Variants in EXTL3 observed in about 807,000 individuals in gnomAD.
EXTL3 encodes exostosin-like 3.
Under a neutral mutation model 69.3 loss-of-function variants are expected in EXTL3, and 27 were observed. The ratio of observed to expected loss-of-function variants is 0.39; its 90% confidence interval spans 0.29 to 0.54. EXTL3 has a LOEUF of 0.54. EXTL3 is among the 20% of genes least tolerant of loss of function. The pLI, the probability that EXTL3 is intolerant of heterozygous loss-of-function variation, is 0.69. For synonymous variants in EXTL3, 511 were observed against 499.4 expected (o/e 1.02, Z -0.31); for missense variants, 1,003 against 1,231.8 (o/e 0.81, Z 2.78).
chr8:28,706,410 A>G (rs545059136), intron 1 of EXTL3, among the ~76,000 whole-genome samples: 1 of 152,338 alleles, frequency 6.6e-6, no homozygotes, highest in South Asian at 2.1e-4. Context: ...ATGTTTTAGT[A>G]TGAGCATTTT....
Position 28,690,918 on chromosome 8 carries a change from G to T in EXTL3, c.-52-22539G>T, listed in dbSNP as rs535125408. 1.1e-3 allele frequency among the ~76,000 whole-genome samples: 167 copies of T among 152,228 alleles called. 1 individual carries two copies. In the South Asian group the frequency reaches 0.026, roughly 24 times the overall value. On this transcript the variant is annotated intron_variant, in intron 1 of 6. Coordinates refer to the EXTL3 transcript ENST00000523149. ...AACTGTGTGAATACCAGGGGGCAGG[G>T]ATCATTGGGGGCCCTTTCAGAGGCT...
At chr8:28,673,654 T>A (rs1053944284) in intron 1 of EXTL3, among the ~76,000 whole-genome samples, 2 of 152,160 alleles carry the variant, frequency 1.3e-5, no homozygotes, top group African/African-American at 2.4e-5. Flanking sequence ...AATCAATCCC[T>A]CTCTCTTTTT....
At chr8:28,674,255 A>T (rs1807343740) in intron 1 of EXTL3, among the ~76,000 whole-genome samples, 1 of 151,162 alleles carries the variant, frequency 6.6e-6, no homozygotes, top group Non-Finnish European at 1.5e-5. Flanking sequence ...TTTTTTTTTT[A>T]GAGACAAGGG....
intron 6 of EXTL3, among the ~76,000 whole-genome samples, chr8:28,747,267 G>A (rs768581886): frequency 1.3e-5 from 2 of 152,210 alleles, no homozygotes; most frequent in Non-Finnish European, 2.9e-5. Flanking sequence ...ACTCAGTGCT[G>A]ACGTGATCCC....
At chr8:28,681,962 G>A (rs970044516) in intron 1 of EXTL3, among the ~76,000 whole-genome samples, 4 of 152,228 alleles carry the variant, frequency 2.6e-5, no homozygotes, top group Admixed American at 2.6e-4. Context: ...GGGAGGCTGA[G>A]GCAGGAGAAT....
intron 1 of EXTL3, among the ~76,000 whole-genome samples, chr8:28,705,482 C>T (rs937262777): frequency 1.3e-5 from 2 of 150,598 alleles, no homozygotes; most frequent in South Asian, 2.1e-4. Context: ...CTTTGGGAGG[C>T]GGAGGTGAGA....
intron 1 of EXTL3, among the ~76,000 whole-genome samples, chr8:28,632,587 T>C (rs1342559557): frequency 6.7e-6 from 1 of 148,388 alleles, no homozygotes; most frequent in African/African-American, 2.5e-5. Context: ...GGAGTCTTGC[T>C]GTGTTGCCCA....
chr8:28,714,567 A>G (rs1346880524), intron 2 of EXTL3, among the ~76,000 whole-genome samples: 1 of 152,182 alleles, frequency 6.6e-6, no homozygotes, highest in East Asian at 1.9e-4. Context: ...CCACAGTTAT[A>G]CTTAGCATGT....
In EXTL3 at chr8:28,722,069, G is replaced by A. The variant is rs549074732; in HGVS notation, c.2148+3862G>A. ...TTGGAAGGGGGCTTTTAGAAGGGGT[G>A]ACATTTGAGCAGAAGCCTGAATGAA... On this transcript the variant is annotated intron_variant, in intron 3 of 6. Transcript: ENST00000220562. 5.9e-5 allele frequency among the ~76,000 whole-genome samples: 9 copies of A among 152,276 alleles called. No individual in the cohort carries two copies. The East Asian group carries it at 1.7e-3, about 29-fold the overall frequency.
chr8:28,710,716 A>T (rs1453538165), intron 1 of EXTL3, among the ~76,000 whole-genome samples: 1 of 149,456 alleles, frequency 6.7e-6, no homozygotes, highest in African/African-American at 2.5e-5. Context: ...GGCTAATTTA[A>T]ATTTTTTTTT....
chr8:28,749,624 T>G (rs1424235789), intron 6 of EXTL3, among the ~76,000 whole-genome samples: 2 of 27,794 alleles, frequency 7.2e-5, no homozygotes, highest in Non-Finnish European at 1.6e-4. Flanking sequence ...CTCTGAGGAT[T>G]TCATTCATTC....
intron 1 of EXTL3, among the ~76,000 whole-genome samples, chr8:28,633,523 A>G (rs1029090387): frequency 2.6e-5 from 4 of 151,782 alleles, no homozygotes; most frequent in Non-Finnish European, 5.9e-5. Flanking sequence ...AGTCCCAGCT[A>G]CTTGGCAAGC....
At chr8:28,702,772 G>C (rs1474354961) in intron 1 of EXTL3, among the ~76,000 whole-genome samples, 2 of 152,032 alleles carry the variant, frequency 1.3e-5, no homozygotes, top group Non-Finnish European at 2.9e-5. Context: ...CCTATTCTTT[G>C]TCCAATTTAG....
At chr8:28,730,203 A>C (rs992716888) in intron 3 of EXTL3, 12 of 135,242 alleles carry the variant, frequency 8.9e-5, no homozygotes, top group Non-Finnish European at 1.3e-4. Context: ...CCTCGGATGC[A>C]GTTAATTCAT....
In EXTL3 at chr8:28,753,887, A is replaced by G. The variant is rs1004163828; in HGVS notation, c.*3021A>G. 1 of 152,236 alleles carries G rather than the reference A, an allele frequency of 6.6e-6. No individual in the cohort carries two copies. Among genetic ancestry groups the G allele is most frequent in the Non-Finnish European group, 1.5e-5 (1 of 68,064 alleles). The allele number at this position is 152,236 out of a possible 1,614,324, so 9.4% of individuals were successfully genotyped here. Reference sequence around the variant, plus strand: ...GATGGGTGAACAGACTCACACTCACATGGGCAGCCTTGCCTGTGCCCGGTT... The same window carrying G: ...GATGGGTGAACAGACTCACACTCACGTGGGCAGCCTTGCCTGTGCCCGGTT... On this transcript the variant is annotated 3_prime_UTR_variant, in exon 7 of 7. Coordinates refer to ENST00000220562, the MANE Select transcript of EXTL3 (RefSeq NM_001440.4).
At chr8:28,665,769 A>C (rs528279699) in intron 1 of EXTL3, among the ~76,000 whole-genome samples, 1 of 152,202 alleles carries the variant, frequency 6.6e-6, no homozygotes, top group Non-Finnish European at 1.5e-5. Flanking sequence ...ATGCCCTGTA[A>C]TCATACCTTA....
chr8:28,675,806 G>A (rs1483810131), intron 1 of EXTL3, among the ~76,000 whole-genome samples: 1 of 152,140 alleles, frequency 6.6e-6, no homozygotes, highest in East Asian at 1.9e-4. Flanking sequence ...CAGATCACTT[G>A]AGGTCAGGAG....
chr8:28,626,405 A>G (rs566903131), intron 1 of EXTL3, among the ~76,000 whole-genome samples: 16 of 152,274 alleles, frequency 1.1e-4, no homozygotes, highest in African/African-American at 3.6e-4. Flanking sequence ...TTAGGAGGGT[A>G]GGAGGCAGGA....
upstream of EXTL3, among the ~76,000 whole-genome samples, chr8:28,618,615 T>C (rs1806359792): frequency 6.6e-6 from 1 of 152,070 alleles, no homozygotes; most frequent in Admixed American, 6.6e-5. Flanking sequence ...AGCATATGGC[T>C]GATCAGGTTT....
Sources: allele counts gnomAD v4.1 joint callset (sites outside exome capture counted in the v4.1 genomes callset), GRCh38; gene constraint gnomAD v4.1.1; transcripts MANE v1.5; gene names NCBI Gene and HGNC (gene_info 2026-07-23, HGNC 2026-07-21).